The following MYO16 variants were observed in gnomAD, a reference collection of about 807,000 sequenced individuals.
MYO16 encodes the protein unconventional myosin-XVI.
Under a neutral mutation model 205.3 loss-of-function variants are expected in MYO16, and 94 were observed. That is an observed-to-expected ratio of 0.46 (90% CI 0.39 to 0.54). The LOEUF (loss-of-function observed/expected upper bound fraction) is 0.54. MYO16 is among the 20% of genes least tolerant of loss of function. The pLI is 0.00. For missense variants in MYO16, 2,315 were observed against 2,387.5 expected (o/e 0.97, Z 0.63); for synonymous variants, 988 against 954.0 (o/e 1.04, Z -0.66).
chr13:108,563,580 G>C, the MYO16 span, among the ~76,000 whole-genome samples: 2 of 152,130 alleles, frequency 1.3e-5, no homozygotes, highest in East Asian at 3.9e-4. Flanking sequence ...AAATCAGTTA[G>C]AACATTTGAT....
chr13:108,770,097 A>G (rs1421075992), intron 4 of MYO16, among the ~76,000 whole-genome samples: 1 of 152,158 alleles, frequency 6.6e-6, no homozygotes, highest in East Asian at 1.9e-4. Flanking sequence ...GGGAAAGAAA[A>G]TTTTGATGAT....
At chr13:108,628,321 C>T (rs1188712502), upstream of MYO16, among the ~76,000 whole-genome samples, 1 of 152,234 alleles carries the variant, frequency 6.6e-6, no homozygotes, top group Middle Eastern at 3.4e-3. Flanking sequence ...TTGGAAAAGC[C>T]AAGTTAAAGC....
intron 13 of MYO16, chr13:108,886,354 T>G (rs1458830479): frequency 2.2e-6 from 1 of 453,864 alleles, no homozygotes; most frequent in Non-Finnish European, 4.4e-6. Flanking sequence ...AAAATACCTC[T>G]TCATTCAAGT....
chr13:108,727,704 C>A lies in MYO16; in HGVS notation c.507+121C>A. ...GTTGAGAAAAATCTGCATATGTTAT[C>A]ATGTATCTCCCTAGAACACAAGATA... is the stretch of plus-strand genomic sequence containing the variant. On this transcript the variant is annotated intron_variant, in intron 4 of 34. Transcript: ENST00000457511. 6 of 1,081,380 alleles carry A rather than the reference C, an allele frequency of 5.5e-6. No individual in the cohort carries two copies. The Middle Eastern group carries it at 9.4e-4, about 169-fold the overall frequency. The allele number at this position is 1,081,380 out of a possible 1,614,324, so 67.0% of individuals were successfully genotyped here.
At position 109,098,967 on chromosome 13, in the gene MYO16, A is replaced by G. The variant is rs138137414; in HGVS notation, c.3336-1818A>G. 5.5e-3 allele frequency among the ~76,000 whole-genome samples: 830 copies of G among 152,260 alleles called. 6 individuals are homozygous for G. Among genetic ancestry groups the G allele is most frequent in the African/African-American group, 0.019 (798 of 41,534 alleles). Reference sequence around the variant, plus strand: ...CTTTTTCACCATTCCAATTTTCTTCAAATGTCAAACGACCCTAGAATGTTC... The same window carrying G: ...CTTTTTCACCATTCCAATTTTCTTCGAATGTCAAACGACCCTAGAATGTTC... On this transcript the variant is annotated intron_variant, in intron 27 of 34. Transcript: ENST00000457511.
the MYO16 span, among the ~76,000 whole-genome samples, chr13:108,536,377 T>C: frequency 6.6e-6 from 1 of 151,138 alleles, no homozygotes; most frequent in Non-Finnish European, 1.5e-5. Context: ...AGGGGACAAG[T>C]TGAAAATAAT....
chr13:109,160,328 T>C (rs563353070), intron 32 of MYO16, among the ~76,000 whole-genome samples: 104 of 152,320 alleles, frequency 6.8e-4, no homozygotes, highest in Admixed American at 2.0e-3. Flanking sequence ...TCTCGCTAGA[T>C]TAAAATTCAC....
chr13:109,118,549 C>T (rs1186840292), intron 28 of MYO16, among the ~76,000 whole-genome samples: 1 of 152,196 alleles, frequency 6.6e-6, no homozygotes, highest in East Asian at 1.9e-4. Context: ...CATTGTGGAG[C>T]ATCACCAGCC....
At chr13:108,602,013 T>C (rs1339236138) in intron 1 of MYO16, among the ~76,000 whole-genome samples, 1 of 150,262 alleles carries the variant, frequency 6.7e-6, no homozygotes, top group African/African-American at 2.5e-5. Context: ...GAAGTCATAA[T>C]GGTGGGGCCC....
intron 1 of MYO16, among the ~76,000 whole-genome samples, chr13:108,624,133 T>C (rs1594151962): frequency 6.6e-6 from 1 of 152,184 alleles, no homozygotes; most frequent in East Asian, 1.9e-4. Flanking sequence ...TCTTATTTAA[T>C]TGCCTCACAA....
chr13:109,041,136 G>A (rs1334217267), intron 23 of MYO16, among the ~76,000 whole-genome samples: 5 of 152,156 alleles, frequency 3.3e-5, no homozygotes, highest in Admixed American at 2.6e-4. Context: ...ATACTTAGGT[G>A]TAAATCTAAC....
intron 16 of MYO16, among the ~76,000 whole-genome samples, chr13:108,951,828 C>T (rs1175309916): frequency 1.3e-5 from 2 of 152,120 alleles, no homozygotes; most frequent in Non-Finnish European, 1.5e-5. Flanking sequence ...ATCGGCCTGG[C>T]GTGGTGGCGC....
chr13:109,076,595 A>G (rs958020973), intron 27 of MYO16, among the ~76,000 whole-genome samples: 1 of 152,096 alleles, frequency 6.6e-6, no homozygotes. Flanking sequence ...ACATTCTTCC[A>G]TGCTCCATCT....
At chr13:108,576,405 T>A in the MYO16 span, among the ~76,000 whole-genome samples, 1 of 152,076 alleles carries the variant, frequency 6.6e-6, no homozygotes, top group Non-Finnish European at 1.5e-5. Flanking sequence ...ACTGTCATAC[T>A]GAGGAACAAC....
intron 27 of MYO16, among the ~76,000 whole-genome samples, chr13:109,082,100 G>A (rs1037113917): frequency 2.0e-5 from 3 of 152,178 alleles, no homozygotes; most frequent in African/African-American, 4.8e-5. Flanking sequence ...CTGGATTGCT[G>A]TGCACAGAGC....
intron 34 of MYO16, among the ~76,000 whole-genome samples, chr13:109,191,203 G>C (rs992831678): frequency 4.0e-5 from 6 of 151,758 alleles, no homozygotes; most frequent in Admixed American, 3.9e-4. Context: ...TGGGGGACAA[G>C]AGCGAAACTC....
chr13:109,022,190 AT>A (rs1176588338), intron 23 of MYO16, among the ~76,000 whole-genome samples: 1 of 136,094 alleles, frequency 7.3e-6, no homozygotes, highest in Admixed American at 7.5e-5. Context: ...TATATTATAT[AT>A]TTATAATGTA....
chr13:108,779,375 G>A (rs1312461670), intron 4 of MYO16, among the ~76,000 whole-genome samples: 1 of 152,198 alleles, frequency 6.6e-6, no homozygotes, highest in African/African-American at 2.4e-5. Flanking sequence ...TATTTAATGT[G>A]ATCAAGATAA....
At chr13:108,647,242 AT>A (rs1169502613) in intron 1 of MYO16, among the ~76,000 whole-genome samples, 1 of 151,610 alleles carries the variant, frequency 6.6e-6, no homozygotes, top group Non-Finnish European at 1.5e-5. Context: ...CCGGCATTGC[AT>A]TTTTTTTGTT....
Sources: allele counts gnomAD v4.1 joint callset (sites outside exome capture counted in the v4.1 genomes callset), GRCh38; gene constraint gnomAD v4.1.1; transcripts MANE v1.5; gene names NCBI Gene and HGNC (gene_info 2026-07-23, HGNC 2026-07-21).